The following API5 variants were observed in gnomAD, a reference collection of about 807,000 sequenced individuals.
API5 encodes FIF.
In API5, 6 loss-of-function variants were observed where a neutral mutation model predicts 71.9. The ratio of observed to expected loss-of-function variants is 0.08; its 90% CI spans 0.05 to 0.16. API5 has a LOEUF of 0.16. Ranked by LOEUF, API5 falls within the 10% of genes least tolerant of loss-of-function variation. The pLI is 1.00. For missense variants in API5, 332 were observed against 612.8 expected (o/e 0.54, Z 4.84); for synonymous variants, 189 against 221.3 (o/e 0.85, Z 1.30).
At chr11:43,334,513 T>G (rs1855365958) in intron 11 of API5, among the ~76,000 whole-genome samples, 1 of 152,102 alleles carries the variant, frequency 6.6e-6, no homozygotes, top group Non-Finnish European at 1.5e-5. Context: ...GTATACTCAT[T>G]TTAACTGGGA....
intron 1 of API5, among the ~76,000 whole-genome samples, chr11:43,316,094 T>C (rs1854659351): frequency 6.6e-6 from 1 of 151,940 alleles, no homozygotes; most frequent in Admixed American, 6.6e-5. Context: ...TTCTTGGACT[T>C]TTATTTCATG....
In API5 at chr11:43,336,007, G is replaced by A. The variant is rs188033951; in HGVS notation, c.1492+13G>A. 1.0e-3 allele frequency: 1,641 copies of A among 1,612,888 alleles called. 3 individuals are homozygous for A. Among genetic ancestry groups the A allele is most frequent in the Admixed American group, 1.3e-3 (80 of 59,680 alleles). On this transcript the variant is annotated intron_variant, in intron 13 of 13. Coordinates refer to ENST00000531273, the MANE Select transcript of API5 (RefSeq NM_001142930.2). Reference sequence around the variant, plus strand: ...AACTTTAATTATGGTGAGCGTTTCCGTTTGGGTACAAGGAATATGAGAGAT... The same window carrying A: ...AACTTTAATTATGGTGAGCGTTTCCATTTGGGTACAAGGAATATGAGAGAT...
At chr11:43,332,808 C>G (rs1218985545) in intron 11 of API5, among the ~76,000 whole-genome samples, 1 of 152,060 alleles carries the variant, frequency 6.6e-6, no homozygotes, top group Admixed American at 6.6e-5. Flanking sequence ...TAAATCAGCC[C>G]CTTTCTCCTC....
Position 43,335,483 on chromosome 11 carries a change from C to T in API5, c.1355+129C>T, listed in dbSNP as rs566013389. ...TTAAATATGACTATTAGAAATATGA[C>T]TTAAAATGTAAAATCTAATTTCAAT... On this transcript the variant is annotated intron_variant, in intron 12 of 13. Coordinates refer to ENST00000531273, the MANE Select transcript of API5 (RefSeq NM_001142930.2). 36 of 610,754 alleles carry T rather than the reference C, an allele frequency of 5.9e-5. 1 individual carries two copies. The Admixed American group carries it at 6.6e-4, about 11-fold the overall frequency. 37.8% of individuals were successfully genotyped at this position (610,754 alleles called of 1,614,324 possible).
rs1854888492 is a variant in API5 at position 43,321,482 on chromosome 11, G to T, written c.391+6G>T. The T allele has an allele frequency of 6.3e-7, 1 of 1,598,604 alleles. No homozygotes were observed. The highest frequency in any genetic ancestry group is 1.3e-5 in the African/African-American group (1 of 74,454). On this transcript the variant is annotated splice_donor_region_variant and intron_variant, in intron 4 of 13. Transcript: ENST00000531273. ...ATTTAAAATGGATGCAAAAGGTAAGGCCAGTTCTTATTCTGAATTGTGTTT... is the reference window on the plus strand; with the variant it reads ...ATTTAAAATGGATGCAAAAGGTAAGTCCAGTTCTTATTCTGAATTGTGTTT...
Position 43,312,094 on chromosome 11 carries a change from A to G in API5, c.-34A>G. Reference sequence around the variant, plus strand: ...GGCGGTGGCGCCGGTCAGGACAAGGATAGCGGAACCGGGCCCTGGGCTTGT... The same window carrying G: ...GGCGGTGGCGCCGGTCAGGACAAGGGTAGCGGAACCGGGCCCTGGGCTTGT... On this transcript the variant is annotated 5_prime_UTR_variant, in exon 1 of 14. Transcript: ENST00000531273. 6.2e-7 allele frequency: 1 copy of G among 1,612,282 alleles called. No homozygotes were observed. The highest frequency in any genetic ancestry group is 8.5e-7 in the Non-Finnish European group (1 of 1,179,350).
intron 1 of API5, among the ~76,000 whole-genome samples, chr11:43,317,108 C>G (rs7111171): frequency 0.056 from 8,543 of 152,246 alleles, 279 homozygotes; most frequent in African/African-American, 0.093. Flanking sequence ...GCTCATGTGT[C>G]TAAAGCACTT....
intron 11 of API5, among the ~76,000 whole-genome samples, chr11:43,333,786 C>T (rs1332268151): frequency 6.9e-6 from 1 of 145,932 alleles, no homozygotes; most frequent in Non-Finnish European, 1.5e-5. Flanking sequence ...GCAATCTCAA[C>T]ACAAAGGTCA....
In API5 at chr11:43,330,043, C is replaced by T. The variant is rs776701588; in HGVS notation, c.1206C>T (p.Ala402=). The T allele has an allele frequency of 6.2e-7, 1 of 1,613,562 alleles. No homozygotes were observed. Among genetic ancestry groups the T allele is most frequent in the Non-Finnish European group, 8.5e-7 (1 of 1,179,662 alleles). Residue 402 remains alanine, a synonymous_variant, in exon 10 of 14, where the codon GCC becomes GCT. Coordinates refer to ENST00000531273, the MANE Select transcript of API5 (RefSeq NM_001142930.2). The part of the protein sequence containing the change: ...RLALQGKTGE[A]LKTEENKIKV... ...CTCTCCAGGGTAAAACGGGTGAGGC[C>T]TTAAAAACAGAAGAGGTAAGAATAC...
At chr11:43,314,598 G>A (rs1268998109) in intron 1 of API5, among the ~76,000 whole-genome samples, 2 of 152,114 alleles carry the variant, frequency 1.3e-5, no homozygotes, top group Non-Finnish European at 2.9e-5. Context: ...CCACACACCC[G>A]GCTGGACACT....
rs1854867260 is a variant in API5, at chr11:43,320,930, A to G, written c.325+16A>G. The G allele has an allele frequency of 6.4e-7, 1 of 1,573,526 alleles. No individual in the cohort carries two copies. The highest frequency in any genetic ancestry group is 1.1e-5 in the South Asian group (1 of 89,016). ...TTGCAGACAGGTAAGGGATTTTATT[A>G]TTACCTTTTTCTCTAAATATATATC... is the stretch of plus-strand genomic sequence containing the variant. On this transcript the variant is annotated intron_variant, in intron 3 of 13. Coordinates refer to ENST00000531273, the MANE Select transcript of API5 (RefSeq NM_001142930.2).
Position 43,343,959 on chromosome 11 carries a change from A to G in API5, c.*1449A>G, listed in dbSNP as rs1855703560. ...GAAGCAAAACTCCTTTATTAGAATT[A>G]CTGCACATGTGTATGGGGAAAATAG... On this transcript the variant is annotated 3_prime_UTR_variant, in exon 14 of 14. Transcript: ENST00000531273. 6.6e-6 allele frequency: 1 copy of G among 152,652 alleles called. No individual in the cohort carries two copies. The highest frequency in any genetic ancestry group is 1.5e-5 in the Non-Finnish European group (1 of 68,038). 9.5% of individuals were successfully genotyped at this position (152,652 alleles called of 1,614,324 possible).
chr11:43,315,840 G>A (rs1184498358), intron 1 of API5, among the ~76,000 whole-genome samples: 1 of 152,132 alleles, frequency 6.6e-6, no homozygotes, highest in East Asian at 1.9e-4. Context: ...AGCCATAATA[G>A]AGCAAGCTGT....
chr11:43,329,586 T>C (rs1015337343), intron 9 of API5, among the ~76,000 whole-genome samples: 4 of 152,206 alleles, frequency 2.6e-5, no homozygotes, highest in African/African-American at 9.7e-5. Context: ...GCCTGGCAAA[T>C]AGTAGGTATT....
intron 1 of API5, chr11:43,318,359 C>A: frequency 7.3e-7 from 1 of 1,377,440 alleles, no homozygotes; most frequent in Non-Finnish European, 9.9e-7. Context: ...AGTTAATAAT[C>A]ACTAGAATGA....
chr11:43,334,544 A>G (rs1446576287), intron 11 of API5, among the ~76,000 whole-genome samples: 1 of 152,094 alleles, frequency 6.6e-6, no homozygotes, highest in Non-Finnish European at 1.5e-5. Flanking sequence ...CTTTTATTGA[A>G]TTTTACCTAT....
In API5 at chr11:43,318,714, T is replaced by C; in HGVS notation, c.144T>C (p.Phe48=). 1 of 1,613,890 alleles carries C rather than the reference T, an allele frequency of 6.2e-7. No homozygotes were observed. Among genetic ancestry groups the C allele is most frequent in the Non-Finnish European group, 8.5e-7 (1 of 1,179,992 alleles). The change falls in exon 2 of 14, where the codon TTT becomes TTC. Residue 48 remains phenylalanine, a synonymous_variant. Transcript: ENST00000531273. ...GTKEKRLAAQ[F]IPKFFKHFPE... ...AGGAAAAGCGATTAGCAGCTCAATT[T>C]ATTCCGAAATTCTTTAAGCATTTTC...
Position 43,323,653 on chromosome 11 carries a change from T to A in API5, c.750+17T>A. ...CTCTTCTCTGTGAGCTCTTTATTTT[T>A]ACACACCCGGTATTAGCTATATATA... is the stretch of plus-strand genomic sequence containing the variant. On this transcript the variant is annotated intron_variant, in intron 6 of 13. Coordinates refer to ENST00000531273, the MANE Select transcript of API5 (RefSeq NM_001142930.2). 6.2e-7 allele frequency: 1 copy of A among 1,607,928 alleles called. No individual in the cohort carries two copies.
chr11:43,312,264 G>T (rs992760840), intron 1 of API5, 68 bp downstream of exon 1: 7 of 1,527,210 alleles, frequency 4.6e-6, no homozygotes, highest in African/African-American at 2.7e-5. Flanking sequence ...GCTTCCCGCC[G>T]CACTCCCCGG....
Sources: allele counts gnomAD v4.1 joint callset (sites outside exome capture counted in the v4.1 genomes callset), GRCh38; gene constraint gnomAD v4.1.1; transcripts MANE v1.5; gene names NCBI Gene and HGNC (gene_info 2026-07-23, HGNC 2026-07-21).